PDE4DIP: variants seen among roughly 807,000 people sequenced by gnomAD.
PDE4DIP encodes the protein phosphodiesterase 4D interacting protein.
A neutral mutation model predicts 221.4 loss-of-function variants in PDE4DIP; 59 were observed. That is an observed-to-expected ratio of 0.27 (90% CI 0.22 to 0.33). PDE4DIP has a LOEUF of 0.33. PDE4DIP is among the 10% of genes least tolerant of loss of function. PDE4DIP has a pLI of 1.00. For synonymous variants in PDE4DIP, 404 were observed against 815.9 expected (o/e 0.50, Z 8.60); for missense variants, 1,036 against 2,154.2 (o/e 0.48, Z 10.28).
At position 148,821,248 on chromosome 1, in the gene PDE4DIP, C is replaced by T; in HGVS notation, c.233+12511C>T. Among the ~76,000 whole-genome samples, 3 of 147,806 alleles carry T rather than the reference C, an allele frequency of 2.0e-5. No individual in the cohort carries two copies. In the East Asian group the frequency reaches 6.0e-4, roughly 30 times the overall value. The stretch of plus-strand genomic sequence containing the variant: ...GTTCCTGCCCCTCCCTATTCCTGCC[C>T]CTTCTGAGCCTGTTCTTTTGAGTCT... On this transcript the variant is annotated intron_variant, in intron 1 of 45. Coordinates refer to the PDE4DIP transcript ENST00000524974.
chr1:149,016,943 A>G (rs1423604049), intron 33 of PDE4DIP, among the ~76,000 whole-genome samples: 3 of 152,254 alleles, frequency 2.0e-5, no homozygotes, highest in Non-Finnish European at 4.4e-5. Flanking sequence ...GACCCTGCAA[A>G]TATATCCTGT....
At chr1:148,875,611 GC>G (rs1690874814) in intron 3 of PDE4DIP, among the ~76,000 whole-genome samples, 1 of 131,124 alleles carries the variant, frequency 7.6e-6, no homozygotes, top group Non-Finnish European at 1.7e-5. Context: ...GGGAGTACTT[GC>G]CAAACTAATG....
chr1:149,022,507 G>A, intron 37 of PDE4DIP, among the ~76,000 whole-genome samples: 1 of 152,286 alleles, frequency 6.6e-6, no homozygotes, highest in Non-Finnish European at 1.5e-5. Flanking sequence ...TCCTGATTTA[G>A]TTTCCTGATT....
chr1:149,015,405 C>G (rs587687696), intron 32 of PDE4DIP, among the ~76,000 whole-genome samples: 3 of 152,160 alleles, frequency 2.0e-5, no homozygotes, highest in African/African-American at 7.2e-5. Context: ...ACTCCTGTTG[C>G]TTAGGAGGAG....
intron 1 of PDE4DIP, among the ~76,000 whole-genome samples, chr1:148,923,606 T>G (rs2045988757): frequency 6.9e-6 from 1 of 144,996 alleles, no homozygotes; most frequent in East Asian, 1.9e-4. Context: ...CTCAAGTAGC[T>G]GGGACTACAG....
At position 148,982,221 on chromosome 1, in the gene PDE4DIP, A is replaced by G. The variant is rs782459903; in HGVS notation, c.2815+824A>G. The G allele has an allele frequency of 3.3e-5, 5 of 152,226 alleles. No homozygotes were observed. The South Asian group carries it at 6.2e-4, about 19-fold the overall frequency. 9.4% of individuals were successfully genotyped at this position (152,226 alleles called of 1,614,324 possible). The stretch of plus-strand genomic sequence containing the variant: ...CAAGCTCATGCTATTTAGTCAGAAC[A>G]TGACTTCTAGAATGGTCTTCCAGAG... On this transcript the variant is annotated intron_variant, in intron 21 of 43. Coordinates refer to ENST00000369354, the Ensembl canonical transcript of PDE4DIP.
intron 1 of PDE4DIP, among the ~76,000 whole-genome samples, chr1:148,893,181 G>A (rs1699413421): frequency 2.8e-5 from 4 of 143,066 alleles, no homozygotes. Flanking sequence ...CAAATTCCTG[G>A]GCTCAAGTGA....
At chr1:148,998,982 G>A (rs868964921) in intron 23 of PDE4DIP, among the ~76,000 whole-genome samples, 5 of 117,846 alleles carry the variant, frequency 4.2e-5, no homozygotes, top group African/African-American at 1.4e-4. Flanking sequence ...TCCTGAACTC[G>A]TGATCCCCCC....
chr1:148,905,178 G>GTTT (rs56687289), intron 1 of PDE4DIP, among the ~76,000 whole-genome samples: 11,905 of 93,330 alleles, frequency 0.13, 55 homozygotes, highest in African/African-American at 0.13. Context: ...TCTCTTCTAG[G>GTTT]TTTTTTTTTT....
At position 148,981,928 on chromosome 1, in the gene PDE4DIP, G is replaced by T. The variant is rs1456739251; in HGVS notation, c.2815+531G>T. The T allele has an allele frequency of 2.5e-5, 4 of 161,288 alleles. No individual in the cohort carries two copies. In the East Asian group the frequency reaches 5.0e-4, roughly 20 times the overall value. The allele number at this position is 161,288 out of a possible 1,614,324, so 10.0% of individuals were successfully genotyped here. A position where few individuals can be genotyped will look rare whatever the true frequency, so the allele number is the denominator to read the frequency against. On this transcript the variant is annotated intron_variant, in intron 21 of 43. Transcript: ENST00000369354. ...GATGAGAGAGCGGGAAAGAGATTGA[G>T]AGTCTATAAGAATGACTTTGCAAAA... is the stretch of plus-strand genomic sequence containing the variant.
At chr1:148,828,487 T>C (rs371014720) in intron 1 of PDE4DIP, among the ~76,000 whole-genome samples, 6,804 of 124,722 alleles carry the variant, frequency 0.055, 3 homozygotes, top group Middle Eastern at 0.13. Flanking sequence ...ATTTTAGTGA[T>C]GGTGTGATTG....
intron 20 of PDE4DIP, among the ~76,000 whole-genome samples, chr1:148,980,687 G>A (rs1412716997): frequency 1.3e-5 from 2 of 151,328 alleles, no homozygotes; most frequent in East Asian, 3.9e-4. Flanking sequence ...GTAATTTATT[G>A]TTGGGCTTTA....
chr1:148,930,479 T>C (rs1242459048), intron 2 of PDE4DIP: 2 of 150,438 alleles, frequency 1.3e-5, no homozygotes, highest in African/African-American at 4.9e-5. Flanking sequence ...ATCATGCCAC[T>C]GCACTCCAGC....
At chr1:148,950,770 C>T (rs782062206) in intron 5 of PDE4DIP, among the ~76,000 whole-genome samples, 4 of 151,114 alleles carry the variant, frequency 2.6e-5, no homozygotes, top group Non-Finnish European at 5.9e-5. Flanking sequence ...AAACACCTCC[C>T]ACCAGGCCCC....
In PDE4DIP at chr1:149,025,268, C is replaced by T. The variant is rs587747232; in HGVS notation, c.6325+584C>T. Among the ~76,000 whole-genome samples, 634 of 152,134 alleles carry T rather than the reference C, an allele frequency of 4.2e-3. 1 individual carries two copies. The highest frequency in any genetic ancestry group is 0.011 in the Admixed American group (175 of 15,286). On this transcript the variant is annotated intron_variant, in intron 38 of 43. Coordinates refer to ENST00000369354, the Ensembl canonical transcript of PDE4DIP. Reference sequence around the variant, plus strand: ...GATGTTGTGATTTTCAGTCTGTGTTCCTTCCAGCTCATTGTGCCCTGTCTC... The same window carrying T: ...GATGTTGTGATTTTCAGTCTGTGTTTCTTCCAGCTCATTGTGCCCTGTCTC...
chr1:148,944,795 C>T (rs1228804057), intron 5 of PDE4DIP, among the ~76,000 whole-genome samples: 4 of 152,042 alleles, frequency 2.6e-5, no homozygotes, highest in Non-Finnish European at 4.4e-5. Flanking sequence ...TGCTTGAACC[C>T]GGGAGGTGGA....
At chr1:148,980,352 A>G (rs1247225935) in intron 20 of PDE4DIP, among the ~76,000 whole-genome samples, 1 of 152,236 alleles carries the variant, frequency 6.6e-6, no homozygotes, top group African/African-American at 2.4e-5. Context: ...GGTTCACACC[A>G]CTGCACTCCA....
At chr1:148,973,408 A>T (rs1376886915) in intron 16 of PDE4DIP, among the ~76,000 whole-genome samples, 9 of 150,488 alleles carry the variant, frequency 6.0e-5, no homozygotes, top group African/African-American at 2.2e-4. Context: ...GAGATTACAG[A>T]TGTGAGCCAC....
rs61806594 is a variant in PDE4DIP, at chr1:149,023,688, A to G, written c.6086-757A>G. Among the ~76,000 whole-genome samples, 87 of 72,230 alleles carry G rather than the reference A, an allele frequency of 1.2e-3. 2 individuals are homozygous for G. Among genetic ancestry groups the G allele is most frequent in the African/African-American group, 3.5e-3 (68 of 19,214 alleles). The allele number at this position is 72,230 out of a possible 152,430, so 47.4% of individuals were successfully genotyped here. A position where few individuals can be genotyped will look rare whatever the true frequency, so the allele number is the denominator to read the frequency against. On this transcript the variant is annotated intron_variant, in intron 37 of 43. Coordinates refer to ENST00000369354, the Ensembl canonical transcript of PDE4DIP. ...TGTGCACATATATATGTACATGTAT[A>G]TGTGTGCACATATATATGTACATGT...
Sources: allele counts gnomAD v4.1 joint callset (sites outside exome capture counted in the v4.1 genomes callset), GRCh38; gene constraint gnomAD v4.1.1; transcripts MANE v1.5; gene names NCBI Gene and HGNC (gene_info 2026-07-23, HGNC 2026-07-21).